The following MEIKIN variants were observed in gnomAD, a reference collection of about 807,000 sequenced individuals.
The protein encoded by MEIKIN is meiotic kinetochore factor.
chr5:131,842,577 T>C (rs1749934234), intron 11 of MEIKIN, among the ~76,000 whole-genome samples: 1 of 152,194 alleles, frequency 6.6e-6, no homozygotes, highest in Admixed American at 6.5e-5. Flanking sequence ...CTTCTCTTGA[T>C]GTTTTTCATT....
intron 9 of MEIKIN, among the ~76,000 whole-genome samples, chr5:131,861,365 G>A (rs1191927047): frequency 6.6e-6 from 1 of 152,004 alleles, no homozygotes; most frequent in African/African-American, 2.4e-5. Context: ...TCCAACCTGG[G>A]CAACAGAGAG....
chr5:131,887,447 A>G (rs924071177), intron 8 of MEIKIN, among the ~76,000 whole-genome samples: 1 of 152,028 alleles, frequency 6.6e-6, no homozygotes, highest in East Asian at 1.9e-4. Context: ...ACTAATTTAC[A>G]CTCCCACCAA....
chr5:131,938,165 CTT>C (rs3043872), intron 4 of MEIKIN, among the ~76,000 whole-genome samples: 23,031 of 125,368 alleles, frequency 0.18, 1,408 homozygotes, highest in East Asian at 0.41. Flanking sequence ...CCCTCACCCC[CTT>C]TTTTTTTTTT....
At chr5:131,922,203 T>A (rs1453204397) in intron 5 of MEIKIN, among the ~76,000 whole-genome samples, 1 of 152,230 alleles carries the variant, frequency 6.6e-6, no homozygotes, top group Non-Finnish European at 1.5e-5. Context: ...GTAGCACACA[T>A]GTGAGCTGCC....
rs141246566 is a variant in MEIKIN at position 131,895,187 on chromosome 5, C to T, written c.704-16139G>A. 2.2e-3 allele frequency among the ~76,000 whole-genome samples: 329 copies of T among 152,200 alleles called. 1 individual carries two copies. Among genetic ancestry groups the T allele is most frequent in the Non-Finnish European group, 3.3e-3 (223 of 68,006 alleles). ...TTGGTTCTGTTTATGTGATGGATTA[C>T]GTTTATTGATTTGCATTTGTTGAAC... is the stretch of plus-strand genomic sequence containing the variant. On this transcript the variant is annotated intron_variant, in intron 8 of 12. Transcript: ENST00000442687.
At chr5:131,932,533 T>C (rs1476003312) in intron 5 of MEIKIN, among the ~76,000 whole-genome samples, 2 of 152,162 alleles carry the variant, frequency 1.3e-5, no homozygotes, top group Middle Eastern at 3.4e-3. Context: ...AAGCTTTTCT[T>C]AAATTGTGTT....
chr5:131,929,958 G>A (rs1029157679), intron 5 of MEIKIN, among the ~76,000 whole-genome samples: 2 of 152,170 alleles, frequency 1.3e-5, no homozygotes, highest in African/African-American at 4.8e-5. Flanking sequence ...TTGATTCCAC[G>A]TCTCTGCTAT....
At chr5:131,925,437 T>A (rs1751571783) in intron 5 of MEIKIN, among the ~76,000 whole-genome samples, 1 of 152,198 alleles carries the variant, frequency 6.6e-6, no homozygotes, top group Non-Finnish European at 1.5e-5. Context: ...TTTGCTTGCA[T>A]CTTTTTAAAT....
At chr5:131,813,675 C>T (rs1236593787) in intron 12 of MEIKIN, among the ~76,000 whole-genome samples, 1 of 152,068 alleles carries the variant, frequency 6.6e-6, no homozygotes, top group Non-Finnish European at 1.5e-5. Flanking sequence ...GATCCGCCCG[C>T]CTCAGCCTCC....
At chr5:131,876,241 A>G (rs1407391585) in intron 9 of MEIKIN, among the ~76,000 whole-genome samples, 15 of 152,014 alleles carry the variant, frequency 9.9e-5, no homozygotes, top group Non-Finnish European at 2.9e-5. Flanking sequence ...TTTGCAATCT[A>G]CTCATCTGAC....
chr5:131,938,856 C>T (rs73786711), intron 4 of MEIKIN, among the ~76,000 whole-genome samples: 4,041 of 152,080 alleles, frequency 0.027, 188 homozygotes, highest in African/African-American at 0.092. Flanking sequence ...CTTGAATGTT[C>T]GAGAATGAAG....
At chr5:131,870,600 G>C (rs1750472044) in intron 9 of MEIKIN, among the ~76,000 whole-genome samples, 1 of 152,114 alleles carries the variant, frequency 6.6e-6, no homozygotes, top group Non-Finnish European at 1.5e-5. Flanking sequence ...TGCATTCTCA[G>C]AACACCTGTC....
intron 8 of MEIKIN, among the ~76,000 whole-genome samples, chr5:131,888,572 G>C (rs1157464517): frequency 6.6e-6 from 1 of 151,838 alleles, no homozygotes; most frequent in African/African-American, 2.4e-5. Context: ...TTTTTTTCTT[G>C]TAAATTTGTT....
At chr5:131,847,647 A>C (rs533522982) in intron 11 of MEIKIN, among the ~76,000 whole-genome samples, 1 of 152,240 alleles carries the variant, frequency 6.6e-6, no homozygotes, top group Non-Finnish European at 1.5e-5. Context: ...GGCAGAAGAG[A>C]ATATGAAAAT....
chr5:131,815,911 G>C (rs1255913846), intron 12 of MEIKIN, among the ~76,000 whole-genome samples: 1 of 152,234 alleles, frequency 6.6e-6, no homozygotes, highest in Non-Finnish European at 1.5e-5. Flanking sequence ...GAAGAAGGTG[G>C]TTATAAATAC....
intron 11 of MEIKIN, among the ~76,000 whole-genome samples, chr5:131,825,030 A>AAAGAAGAAG (rs148275513): frequency 9.2e-4 from 140 of 151,598 alleles, no homozygotes; most frequent in African/African-American, 3.3e-3. Flanking sequence ...ACTGAAAAAA[A>AAAGAAGAAG]AAGAAGAAGA....
At chr5:131,875,180 A>G (rs1335789886) in intron 9 of MEIKIN, among the ~76,000 whole-genome samples, 1 of 152,202 alleles carries the variant, frequency 6.6e-6, no homozygotes, top group Non-Finnish European at 1.5e-5. Context: ...AGGGTATTCA[A>G]TTAGGAAAAG....
At chr5:131,944,111 CAA>C (rs530605601) in intron 3 of MEIKIN, among the ~76,000 whole-genome samples, 30 of 67,748 alleles carry the variant, frequency 4.4e-4, no homozygotes, top group Admixed American at 4.6e-4. Flanking sequence ...ACTCTGTCTC[CAA>C]AAAAAAAAAA....
At position 131,840,347 on chromosome 5, in the gene MEIKIN, T is replaced by A. The variant is rs148321907; in HGVS notation, c.975+10917A>T. Among the ~76,000 whole-genome samples, 488 of 152,306 alleles carry A rather than the reference T, an allele frequency of 3.2e-3. 6 individuals carry two copies. The highest frequency in any genetic ancestry group is 0.012 in the African/African-American group (479 of 41,578). ...CTGATGATTATGTATCTTAGGGATA[T>A]CTTCCTTGTGAAGTATCTTAGTAAG... On this transcript the variant is annotated intron_variant, in intron 11 of 12. Transcript: ENST00000442687.
Sources: allele counts gnomAD v4.1 joint callset (sites outside exome capture counted in the v4.1 genomes callset), GRCh38; gene constraint gnomAD v4.1.1; transcripts MANE v1.5; gene names NCBI Gene and HGNC (gene_info 2026-07-23, HGNC 2026-07-21).